The following NCALD variants were observed in gnomAD, a reference collection of about 807,000 sequenced individuals.
NCALD encodes neurocalcin-delta.
A neutral mutation model predicts 18.6 loss-of-function variants in NCALD; 10 were observed. That is an observed-to-expected ratio of 0.54 (90% CI 0.33 to 0.91). NCALD has a LOEUF of 0.91. Ranked by LOEUF, NCALD falls within the 40% of genes least tolerant of loss-of-function variation. The pLI, the probability that NCALD is intolerant of heterozygous loss-of-function variation, is 0.03. For synonymous variants in NCALD, 88 were observed against 87.4 expected (o/e 1.01, Z -0.04); for missense variants, 184 against 247.6 (o/e 0.74, Z 1.72).
intron 1 of NCALD, among the ~76,000 whole-genome samples, chr8:101,777,898 C>CAATGTAAAAGAGATTTTAGAGAGAGCT (rs1811859378): frequency 6.6e-6 from 1 of 152,076 alleles, no homozygotes; most frequent in Non-Finnish European, 1.5e-5. Flanking sequence ...ACAAAAACCA[C>CAATGTAAAAGAGATTTTAGAGAGAGCT]AATGTAAAAG....
At chr8:102,091,905 C>T (rs1824936151) in intron 1 of NCALD, among the ~76,000 whole-genome samples, 1 of 152,160 alleles carries the variant, frequency 6.6e-6, no homozygotes, top group Non-Finnish European at 1.5e-5. Flanking sequence ...CCATTTACAA[C>T]TCTTAGGATT....
At chr8:101,710,886 G>A (rs909871935) in intron 2 of NCALD, among the ~76,000 whole-genome samples, 11 of 152,190 alleles carry the variant, frequency 7.2e-5, no homozygotes, top group African/African-American at 1.9e-4. Context: ...AGAGAGCAGC[G>A]ATCTCCCAGC....
intron 1 of NCALD, among the ~76,000 whole-genome samples, chr8:102,092,132 G>A (rs6993476): frequency 0.17 from 25,157 of 152,080 alleles, 2,427 homozygotes; most frequent in African/African-American, 0.26. Flanking sequence ...TAAAAAAGCC[G>A]GCCAAAACCA....
chr8:101,894,852 G>C (rs189705825), intron 3 of NCALD, among the ~76,000 whole-genome samples: 5,340 of 149,676 alleles, frequency 0.036, 567 homozygotes, highest in African/African-American at 0.13. Context: ...AACAGGATCT[G>C]AAATTGTGGC....
intron 1 of NCALD, among the ~76,000 whole-genome samples, chr8:102,087,503 A>T (rs1461738871): frequency 6.6e-6 from 1 of 152,158 alleles, no homozygotes; most frequent in Non-Finnish European, 1.5e-5. Context: ...AGAATGGGTT[A>T]AAGGCCCCTC....
chr8:102,008,020 T>G (rs1198427841), intron 2 of NCALD, among the ~76,000 whole-genome samples: 1 of 152,244 alleles, frequency 6.6e-6, no homozygotes, highest in Non-Finnish European at 1.5e-5. Flanking sequence ...CCCATATTTT[T>G]GCCTATTTAT....
Position 101,902,726 on chromosome 8 carries a change from C to CT in NCALD, c.-107+13082dup, listed in dbSNP as rs562696394. Among the ~76,000 whole-genome samples, 231 of 152,268 alleles carry CT rather than the reference C, an allele frequency of 1.5e-3. 1 individual carries two copies. Among genetic ancestry groups the CT allele is most frequent in the African/African-American group, 5.2e-3 (215 of 41,544 alleles). On this transcript the variant is annotated intron_variant, in intron 3 of 6. Transcript: ENST00000311028. The stretch of plus-strand genomic sequence containing the variant: ...CTCAAATCCCGGACTGATGCCATGG[C>CT]TTTTTTTACTTTTCTCTCCCCCAGC...
At chr8:102,099,170 T>C (rs1261756272) in intron 1 of NCALD, among the ~76,000 whole-genome samples, 1 of 152,236 alleles carries the variant, frequency 6.6e-6, no homozygotes, top group Non-Finnish European at 1.5e-5. Flanking sequence ...ATCCAAGCTA[T>C]TTTGTCTAAG....
chr8:101,956,753 G>A (rs898804017), intron 2 of NCALD, among the ~76,000 whole-genome samples: 2 of 152,052 alleles, frequency 1.3e-5, no homozygotes, highest in African/African-American at 4.8e-5. Context: ...TCACAAAACT[G>A]AGTAAGAAAA....
intron 4 of NCALD, among the ~76,000 whole-genome samples, chr8:101,831,854 A>G (rs1324325542): frequency 6.6e-6 from 1 of 152,154 alleles, no homozygotes; most frequent in Non-Finnish European, 1.5e-5. Context: ...TCATTAGGAA[A>G]TCCAAATTCC....
At chr8:102,061,819 C>A (rs1823859606) in intron 1 of NCALD, among the ~76,000 whole-genome samples, 2 of 152,196 alleles carry the variant, frequency 1.3e-5, no homozygotes, top group African/African-American at 4.8e-5. Flanking sequence ...ATTTCACGTA[C>A]ACACGGAGAT....
At chr8:102,120,882 G>A (rs1245769169) in intron 1 of NCALD, among the ~76,000 whole-genome samples, 1 of 152,174 alleles carries the variant, frequency 6.6e-6, no homozygotes, top group African/African-American at 2.4e-5. Context: ...CTGCCTTCTA[G>A]GGACTTTTAA....
intron 4 of NCALD, among the ~76,000 whole-genome samples, chr8:101,807,392 G>A (rs1405172550): frequency 2.0e-5 from 3 of 152,078 alleles, no homozygotes; most frequent in Admixed American, 6.6e-5. Context: ...AGGAAAAGGG[G>A]GAAGAGCAAA....
intron 2 of NCALD, among the ~76,000 whole-genome samples, chr8:101,958,002 A>G (rs1211167923): frequency 1.3e-5 from 2 of 152,128 alleles, no homozygotes; most frequent in Non-Finnish European, 2.9e-5. Flanking sequence ...CATCGCCCAT[A>G]CTATTTTACT....
intron 1 of NCALD, among the ~76,000 whole-genome samples, chr8:102,055,921 C>A (rs1453800187): frequency 6.6e-6 from 1 of 152,170 alleles, no homozygotes; most frequent in Non-Finnish European, 1.5e-5. Flanking sequence ...CCTTCAAATT[C>A]ATCACAGGGA....
chr8:101,997,525 T>C (rs1821282085), intron 2 of NCALD, among the ~76,000 whole-genome samples: 1 of 152,140 alleles, frequency 6.6e-6, no homozygotes, highest in Non-Finnish European at 1.5e-5. Flanking sequence ...TTTAAAGACT[T>C]GATGCAAAGT....
intron 1 of NCALD, among the ~76,000 whole-genome samples, chr8:102,120,502 T>G (rs1406578393): frequency 6.6e-6 from 1 of 152,196 alleles, no homozygotes; most frequent in East Asian, 1.9e-4. Context: ...CCAGCCATCC[T>G]ACAACGAGAT....
At chr8:101,827,407 C>A (rs1460551085) in intron 4 of NCALD, among the ~76,000 whole-genome samples, 1 of 152,212 alleles carries the variant, frequency 6.6e-6, no homozygotes, top group Non-Finnish European at 1.5e-5. Context: ...GATCTGACAT[C>A]TTTGGGAACC....
chr8:101,703,057 A>G (rs1045207964), intron 2 of NCALD, among the ~76,000 whole-genome samples: 1 of 152,144 alleles, frequency 6.6e-6, no homozygotes, highest in Admixed American at 6.5e-5. Context: ...ATCTATGAAC[A>G]GTTTATGAAA....
Sources: allele counts gnomAD v4.1 joint callset (sites outside exome capture counted in the v4.1 genomes callset), GRCh38; gene constraint gnomAD v4.1.1; transcripts MANE v1.5; gene names NCBI Gene and HGNC (gene_info 2026-07-23, HGNC 2026-07-21).